NAALADL2: variants seen among roughly 807,000 people sequenced by gnomAD.
NAALADL2 encodes the protein N-acetylated alpha-linked acidic dipeptidase like 2.
In NAALADL2, 76 loss-of-function variants were observed where a neutral mutation model predicts 87.2. That is an observed-to-expected ratio of 0.87 (90% CI 0.72 to 1.05). The LOEUF (loss-of-function observed/expected upper bound fraction) is 1.05. Among genes scored for constraint, NAALADL2 ranks in the 50% least tolerant of loss-of-function variants. NAALADL2 has a pLI of 0.00. For missense variants in NAALADL2, 1,089 were observed against 945.8 expected (o/e 1.15, Z -1.99); for synonymous variants, 354 against 331.0 (o/e 1.07, Z -0.75).
chr3:174,573,489 T>C (rs992960789), intron 2 of NAALADL2, among the ~76,000 whole-genome samples: 4 of 152,152 alleles, frequency 2.6e-5, no homozygotes, highest in African/African-American at 9.7e-5. Flanking sequence ...ATTTTTGTGT[T>C]GCTGTAAAGG....
At chr3:174,926,343 G>A (rs917118576) in intron 1 of NAALADL2, among the ~76,000 whole-genome samples, 14 of 152,184 alleles carry the variant, frequency 9.2e-5, no homozygotes, top group Admixed American at 1.3e-4. Flanking sequence ...TCAGATTCAG[G>A]AAATACAGAG....
chr3:174,938,910 G>A (rs1423935705), intron 1 of NAALADL2, among the ~76,000 whole-genome samples: 1 of 151,978 alleles, frequency 6.6e-6, no homozygotes, highest in South Asian at 2.1e-4. Context: ...CCTTATAGAA[G>A]CTGGATATTA....
chr3:175,761,165 C>T (rs1001941610), intron 13 of NAALADL2, among the ~76,000 whole-genome samples: 3 of 151,706 alleles, frequency 2.0e-5, no homozygotes, highest in African/African-American at 7.3e-5. Flanking sequence ...GTTGCAGGGT[C>T]ATATAGAATA....
chr3:175,699,507 A>G (rs1035581696), intron 11 of NAALADL2, among the ~76,000 whole-genome samples: 1 of 152,074 alleles, frequency 6.6e-6, no homozygotes, highest in Non-Finnish European at 1.5e-5. Flanking sequence ...GGAGCCTCCC[A>G]TTGATATTCC....
intron 1 of NAALADL2, among the ~76,000 whole-genome samples, chr3:175,069,338 A>C (rs1454272103): frequency 6.7e-6 from 1 of 149,972 alleles, no homozygotes; most frequent in Non-Finnish European, 1.5e-5. Flanking sequence ...AACCCCATCA[A>C]AAAGCGGGCA....
At chr3:174,876,206 G>A (rs1728492172) in intron 1 of NAALADL2, among the ~76,000 whole-genome samples, 1 of 152,090 alleles carries the variant, frequency 6.6e-6, no homozygotes, top group South Asian at 2.1e-4. Context: ...TATGTGTAAA[G>A]CTAGGAAAGG....
chr3:174,903,078 G>C (rs1481878719), intron 1 of NAALADL2, among the ~76,000 whole-genome samples: 4 of 151,868 alleles, frequency 2.6e-5, no homozygotes, highest in African/African-American at 9.7e-5. Context: ...CCCCCAAATA[G>C]CCACTATATT....
chr3:175,406,534 T>C (rs1712407906), intron 5 of NAALADL2, among the ~76,000 whole-genome samples: 1 of 152,222 alleles, frequency 6.6e-6, no homozygotes, highest in Non-Finnish European at 1.5e-5. Context: ...TCATTACTGT[T>C]TATTTCAGCA....
chr3:174,622,504 G>A (rs73042702), intron 2 of NAALADL2, among the ~76,000 whole-genome samples: 2,568 of 152,214 alleles, frequency 0.017, 64 homozygotes, highest in African/African-American at 0.057. Context: ...TAATGCAGTT[G>A]AAAATCCACA....
intron 9 of NAALADL2, among the ~76,000 whole-genome samples, chr3:175,542,032 A>G (rs1393801813): frequency 1.3e-5 from 2 of 152,016 alleles, no homozygotes; most frequent in African/African-American, 4.8e-5. Flanking sequence ...GCAACTTTTA[A>G]TCTTCTCTTG....
At chr3:174,531,581 G>C (rs777226435) in intron 1 of NAALADL2, among the ~76,000 whole-genome samples, 1 of 152,086 alleles carries the variant, frequency 6.6e-6, no homozygotes, top group Non-Finnish European at 1.5e-5. Context: ...TTCATTTACA[G>C]GTAAGTGTAG....
At chr3:175,236,666 G>A (rs558287967) in intron 3 of NAALADL2, among the ~76,000 whole-genome samples, 37 of 152,220 alleles carry the variant, frequency 2.4e-4, no homozygotes, top group Non-Finnish European at 5.0e-4. Flanking sequence ...TGGAGGTGGT[G>A]GTGGAGGGAA....
intron 10 of NAALADL2, among the ~76,000 whole-genome samples, chr3:175,598,090 A>G (rs1186809232): frequency 6.6e-6 from 1 of 152,000 alleles, no homozygotes; most frequent in Non-Finnish European, 1.5e-5. Context: ...CAAAACAGAT[A>G]AAACCATCAA....
chr3:175,108,677 C>T (rs1033036611), intron 2 of NAALADL2, among the ~76,000 whole-genome samples: 1 of 151,932 alleles, frequency 6.6e-6, no homozygotes, highest in Non-Finnish European at 1.5e-5. Context: ...ATTTATTAGC[C>T]TGATAATTTT....
intron 1 of NAALADL2, among the ~76,000 whole-genome samples, chr3:174,455,854 A>G (rs1480783857): frequency 6.6e-6 from 1 of 152,188 alleles, no homozygotes; most frequent in African/African-American, 2.4e-5. Flanking sequence ...TCAACATAGT[A>G]TTGGAAGTCC....
intron 1 of NAALADL2, among the ~76,000 whole-genome samples, chr3:174,956,339 G>T (rs939359052): frequency 3.3e-5 from 5 of 152,002 alleles, no homozygotes; most frequent in African/African-American, 9.7e-5. Context: ...TTGGCAGAAT[G>T]ATGTCTAAAA....
At chr3:175,121,555 A>G (rs1560054660) in intron 2 of NAALADL2, among the ~76,000 whole-genome samples, 1 of 151,896 alleles carries the variant, frequency 6.6e-6, no homozygotes, top group Non-Finnish European at 1.5e-5. Context: ...TTATGAAGCT[A>G]ACTGGAAATA....
At position 175,089,896 on chromosome 3, in the gene NAALADL2, A is replaced by G. The variant is rs144914436; in HGVS notation, c.44-6894A>G. 3.1e-4 allele frequency among the ~76,000 whole-genome samples: 47 copies of G among 152,276 alleles called. 1 individual carries two copies. The East Asian group carries it at 8.9e-3, about 29-fold the overall frequency. On this transcript the variant is annotated intron_variant, in intron 1 of 13. Transcript: ENST00000454872. The stretch of plus-strand genomic sequence containing the variant: ...TGCTATGCCTATAGTGAAGCTCAGA[A>G]CTACATTAAAACTCTATTACAGTGG...
intron 10 of NAALADL2, among the ~76,000 whole-genome samples, chr3:175,588,553 T>TTTTTTTTTTTTTTC: frequency 1.4e-5 from 2 of 143,010 alleles, no homozygotes; most frequent in African/African-American, 2.6e-5. Context: ...TTTTTTTTTT[T>TTTTTTTTTTTTTTC]TTTGAGATGG....
Sources: allele counts gnomAD v4.1 joint callset (sites outside exome capture counted in the v4.1 genomes callset), GRCh38; gene constraint gnomAD v4.1.1; transcripts MANE v1.5; gene names NCBI Gene and HGNC (gene_info 2026-07-23, HGNC 2026-07-21).